The following ABTB2 variants were observed in gnomAD, a reference collection of about 807,000 sequenced individuals.
ABTB2 encodes ankyrin repeat and BTB/POZ domain-containing protein 2.
ABTB2 carries 56 observed loss-of-function variants against 104.1 expected under a neutral mutation model. That is an observed-to-expected ratio of 0.54 (90% CI 0.43 to 0.67). The LOEUF (loss-of-function observed/expected upper bound fraction) is 0.67. ABTB2 is among the 30% of genes least tolerant of loss of function. The pLI is 0.00. For missense variants in ABTB2, 1,279 were observed against 1,407.7 expected (o/e 0.91, Z 1.46); for synonymous variants, 606 against 608.2 (o/e 1.00, Z 0.05).
chr11:34,302,750 C>T (rs4755367), intron 1 of ABTB2, among the ~76,000 whole-genome samples: 84,055 of 151,996 alleles, frequency 0.55, 23,982 homozygotes, highest in South Asian at 0.71. Context: ...TTAGCGCTTG[C>T]GAGGGGTAGT....
At chr11:34,236,239 C>T (rs989593636) in intron 1 of ABTB2, among the ~76,000 whole-genome samples, 1 of 152,078 alleles carries the variant, frequency 6.6e-6, no homozygotes, top group Non-Finnish European at 1.5e-5. Context: ...TCATTTGGAA[C>T]AGTCACTTCA....
chr11:34,336,964 T>A (rs930727912), intron 1 of ABTB2, among the ~76,000 whole-genome samples: 1 of 152,106 alleles, frequency 6.6e-6, no homozygotes, highest in Non-Finnish European at 1.5e-5. Context: ...TACAGACAAG[T>A]AAACTGAGGC....
intron 1 of ABTB2, among the ~76,000 whole-genome samples, chr11:34,326,605 G>A (rs1855073313): frequency 6.6e-6 from 1 of 151,160 alleles, no homozygotes; most frequent in Admixed American, 6.6e-5. Context: ...ATTCCAGCCT[G>A]GGTGTCAGAG....
At chr11:34,190,686 A>C (rs548206873) in intron 3 of ABTB2, among the ~76,000 whole-genome samples, 4 of 152,322 alleles carry the variant, frequency 2.6e-5, no homozygotes, top group Admixed American at 2.0e-4. Context: ...TATTATTATT[A>C]GTCATAGTGG....
chr11:34,285,554 C>T (rs933551918), intron 1 of ABTB2, among the ~76,000 whole-genome samples: 10 of 152,118 alleles, frequency 6.6e-5, no homozygotes, highest in Admixed American at 3.9e-4. Flanking sequence ...CCATTCTATA[C>T]GTGCAATCTT....
At chr11:34,212,683 CA>C (rs930694219) in intron 1 of ABTB2, among the ~76,000 whole-genome samples, 1 of 152,196 alleles carries the variant, frequency 6.6e-6, no homozygotes, top group African/African-American at 2.4e-5. Flanking sequence ...ACTCTTCCTT[CA>C]GCACTCACCA....
chr11:34,286,862 G>T (rs949186388), intron 1 of ABTB2, among the ~76,000 whole-genome samples: 1 of 152,136 alleles, frequency 6.6e-6, no homozygotes, highest in African/African-American at 2.4e-5. Context: ...CTTATATACT[G>T]CATGACTCCA....
chr11:34,341,376 A>G (rs1372342054), intron 1 of ABTB2, among the ~76,000 whole-genome samples: 1 of 152,144 alleles, frequency 6.6e-6, no homozygotes, highest in African/African-American at 2.4e-5. Context: ...GTTTCTGCAA[A>G]CAGAGGGCTT....
At chr11:34,302,232 A>G (rs1854715585) in intron 1 of ABTB2, among the ~76,000 whole-genome samples, 1 of 152,216 alleles carries the variant, frequency 6.6e-6, no homozygotes. Flanking sequence ...GTATTTTCCT[A>G]TGCTATTACA....
At chr11:34,309,281 T>C (rs1268242137) in intron 1 of ABTB2, among the ~76,000 whole-genome samples, 2 of 152,192 alleles carry the variant, frequency 1.3e-5, no homozygotes, top group East Asian at 1.9e-4. Flanking sequence ...TTTGGGGACC[T>C]TGTTGAAGGA....
intron 1 of ABTB2, among the ~76,000 whole-genome samples, chr11:34,303,316 C>A (rs1019535290): frequency 5.9e-5 from 9 of 152,220 alleles, no homozygotes; most frequent in African/African-American, 1.7e-4. Context: ...GCACAGCCTA[C>A]AAATGTTTTC....
At chr11:34,287,606 G>A (rs145960794) in intron 1 of ABTB2, among the ~76,000 whole-genome samples, 1 of 152,286 alleles carries the variant, frequency 6.6e-6, no homozygotes, top group East Asian at 1.9e-4. Context: ...TGAGCAGTTG[G>A]TTCCAGTCAC....
At chr11:34,262,466 A>G (rs1270819590) in intron 1 of ABTB2, among the ~76,000 whole-genome samples, 2 of 152,170 alleles carry the variant, frequency 1.3e-5, no homozygotes, top group Admixed American at 1.3e-4. Context: ...ACTAGACAAG[A>G]CAAAGGAGGG....
Position 34,292,807 on chromosome 11 carries a change from A to T in ABTB2, c.883+63894T>A, listed in dbSNP as rs547148432. Among the ~76,000 whole-genome samples, 41 of 152,250 alleles carry T rather than the reference A, an allele frequency of 2.7e-4. No homozygotes were observed. In the South Asian group the frequency reaches 8.5e-3, roughly 32 times the overall value. On this transcript the variant is annotated intron_variant, in intron 1 of 16. Coordinates refer to ENST00000435224, the MANE Select transcript of ABTB2 (RefSeq NM_145804.3). ...CTTGCACTAAGTCAGGGAGCCTGTG[A>T]TGGGGCCACTGGGTGAAGGTAACAG...
chr11:34,266,174 C>T (rs1188236473), intron 1 of ABTB2, among the ~76,000 whole-genome samples: 1 of 152,202 alleles, frequency 6.6e-6, no homozygotes, highest in Non-Finnish European at 1.5e-5. Flanking sequence ...CCTCAAACTC[C>T]TGCACTCAAG....
Position 34,252,544 on chromosome 11 carries a change from C to T in ABTB2, c.884-47854G>A, listed in dbSNP as rs767959203. ...TAGGGCATCTCCTGTGCCACTCCCC[C>T]AACCCTCCAACCTGCCTGAAAGAGA... On this transcript the variant is annotated intron_variant, in intron 1 of 16. Transcript: ENST00000435224. The surrounding 1 kb of genome is among the most constrained non-coding windows in gnomAD (Gnocchi z 5.5). Among the ~76,000 whole-genome samples the T allele has an allele frequency of 3.9e-5, 6 of 152,102 alleles. No individual in the cohort carries two copies. Among genetic ancestry groups the T allele is most frequent in the Non-Finnish European group, 5.9e-5 (4 of 68,018 alleles).
At chr11:34,298,100 T>TA (rs201250549) in intron 1 of ABTB2, among the ~76,000 whole-genome samples, 60 of 148,508 alleles carry the variant, frequency 4.0e-4, no homozygotes, top group African/African-American at 1.4e-3. Flanking sequence ...TTTTTTTTTT[T>TA]AAATAAATTA....
chr11:34,283,874 T>C (rs1220247401), intron 1 of ABTB2, among the ~76,000 whole-genome samples: 1 of 152,244 alleles, frequency 6.6e-6, no homozygotes, highest in African/African-American at 2.4e-5. Context: ...AATAAGATCC[T>C]TTCTAAAGCC....
At chr11:34,330,942 A>ACTTCATGGG (rs1420977683) in intron 1 of ABTB2, among the ~76,000 whole-genome samples, 2 of 152,228 alleles carry the variant, frequency 1.3e-5, no homozygotes, top group Non-Finnish European at 1.5e-5. Context: ...TCTTTTAACA[A>ACTTCATGGG]CTTCATGGGC....
Sources: allele counts gnomAD v4.1 joint callset (sites outside exome capture counted in the v4.1 genomes callset), GRCh38; gene constraint gnomAD v4.1.1; non-coding constraint Gnocchi (gnomAD v3.1); transcripts MANE v1.5; gene names NCBI Gene and HGNC (gene_info 2026-07-23, HGNC 2026-07-21).